Variants in DOCK3 observed in about 807,000 individuals in gnomAD.
DOCK3 encodes dedicator of cytokinesis protein 3.
In DOCK3, 60 loss-of-function variants were observed where a neutral mutation model predicts 265.6. The ratio of observed to expected loss-of-function variants is 0.23; its 90% CI spans 0.18 to 0.28. The LOEUF is 0.28. DOCK3 is among the 10% of genes least tolerant of loss of function. DOCK3 has a pLI of 1.00. For missense variants in DOCK3, 1,981 were observed against 2,594.3 expected (o/e 0.76, Z 5.14); for synonymous variants, 881 against 938.0 (o/e 0.94, Z 1.11).
chr3:51,187,143 C>A (rs1235505570), intron 12 of DOCK3, among the ~76,000 whole-genome samples: 1 of 152,212 alleles, frequency 6.6e-6, no homozygotes, highest in Non-Finnish European at 1.5e-5. Context: ...AGGGGCTATA[C>A]CCTGCAAAGC....
In DOCK3 at chr3:51,214,193, A is replaced by G. The variant is rs767100006; in HGVS notation, c.1198A>G (p.Asn400Asp). 1.2e-6 allele frequency: 2 copies of G among 1,613,780 alleles called. No homozygotes were observed. Among genetic ancestry groups the G allele is most frequent in the Non-Finnish European group, 1.7e-6 (2 of 1,179,812 alleles). The change falls in exon 14 of 53, where the codon AAT (asparagine) becomes GAT (aspartate). Residue 400 changes from asparagine to aspartate, a missense_variant. Coordinates refer to ENST00000266037, the MANE Select transcript of DOCK3 (RefSeq NM_004947.5). ...QIRRENPMIF[N>D]RGLAITRKLG... ...TCGGAGAGAAAATCCCATGATATTT[A>G]ATAGGGGATTGGCAATTACAAGAAA... is the stretch of plus-strand genomic sequence containing the variant.
chr3:51,134,681 CACAG>C (rs1157489182), intron 9 of DOCK3, among the ~76,000 whole-genome samples: 1 of 152,158 alleles, frequency 6.6e-6, no homozygotes, highest in Non-Finnish European at 1.5e-5. Context: ...GCCTATGCCA[CACAG>C]ACACTCTTCA....
At chr3:51,167,315 TA>T (rs2086458377) in intron 12 of DOCK3, among the ~76,000 whole-genome samples, 1 of 152,236 alleles carries the variant, frequency 6.6e-6, no homozygotes. Flanking sequence ...TGTCTGTTTT[TA>T]TGGCATTACC....
intron 5 of DOCK3, among the ~76,000 whole-genome samples, chr3:50,997,889 C>G (rs2078338925): frequency 6.6e-6 from 1 of 152,090 alleles, no homozygotes; most frequent in Admixed American, 6.5e-5. Context: ...ATAAAGCAGA[C>G]TGGAAAGAGC....
chr3:51,310,174 A>G (rs1364086419), intron 27 of DOCK3, 58 bp from the exon 28 acceptor site: 6 of 1,390,690 alleles, frequency 4.3e-6, no homozygotes, highest in South Asian at 1.2e-5. Context: ...GGAGTGGCCT[A>G]TTGAGGAGAT....
chr3:51,233,362 T>TATCTATCTATC (rs1560254651), intron 19 of DOCK3, among the ~76,000 whole-genome samples: 2 of 7,830 alleles, frequency 2.6e-4, no homozygotes, highest in Admixed American at 9.7e-4. Flanking sequence ...ATCTATCTAT[T>TATCTATCTATC]TATTTATTTA....
At position 50,988,487 on chromosome 3, in the gene DOCK3, G is replaced by A. The variant is rs190502215; in HGVS notation, c.315+54410G>A. ...CTTTGGGCTTCAGAGTGTCCGAAGC[G>A]ACGGGGCCAAAGTGGATGCCCAGCA... On this transcript the variant is annotated intron_variant, in intron 5 of 52. Coordinates refer to ENST00000266037, the MANE Select transcript of DOCK3 (RefSeq NM_004947.5). 9.9e-5 allele frequency among the ~76,000 whole-genome samples: 15 copies of A among 152,190 alleles called. No individual in the cohort carries two copies. The East Asian group carries it at 1.5e-3, about 16-fold the overall frequency.
chr3:51,032,018 T>C (rs111707697), intron 5 of DOCK3, among the ~76,000 whole-genome samples: 29 of 152,236 alleles, frequency 1.9e-4, no homozygotes, highest in African/African-American at 7.0e-4. Flanking sequence ...CAAGTATAAG[T>C]ATTTTGTTAC....
At chr3:50,777,996 A>G (rs2041702475) in intron 1 of DOCK3, among the ~76,000 whole-genome samples, 1 of 152,234 alleles carries the variant, frequency 6.6e-6, no homozygotes, top group South Asian at 2.1e-4. Flanking sequence ...TCCAGTTCTC[A>G]GGGGGAATGC....
rs528029542 is a variant in DOCK3, at chr3:50,689,852, A to G, written c.37+14552A>G. Reference sequence around the variant, plus strand: ...GTGTGGCCTGGTTCCTAACGGGGATAAAGCAGGGTTGGGGAGCCCTGCTTT... The same window carrying G: ...GTGTGGCCTGGTTCCTAACGGGGATGAAGCAGGGTTGGGGAGCCCTGCTTT... On this transcript the variant is annotated intron_variant, in intron 1 of 52. Coordinates refer to ENST00000266037, the MANE Select transcript of DOCK3 (RefSeq NM_004947.5). Among the ~76,000 whole-genome samples, 16 of 152,268 alleles carry G rather than the reference A, an allele frequency of 1.1e-4. 1 individual carries two copies. The South Asian group carries it at 3.3e-3, about 32-fold the overall frequency.
intron 14 of DOCK3, among the ~76,000 whole-genome samples, chr3:51,217,362 A>G (rs1034837022): frequency 6.6e-6 from 1 of 152,218 alleles, no homozygotes; most frequent in African/African-American, 2.4e-5. Context: ...CTGCTCTGCC[A>G]TAACTGAGGC....
intron 9 of DOCK3, among the ~76,000 whole-genome samples, chr3:51,129,337 C>G (rs2084406422): frequency 6.6e-6 from 1 of 152,158 alleles, no homozygotes; most frequent in Admixed American, 6.5e-5. Flanking sequence ...GTGAACCAGG[C>G]CCTAGTTTTC....
intron 23 of DOCK3, among the ~76,000 whole-genome samples, chr3:51,266,297 C>A (rs1056044113): frequency 8.5e-5 from 13 of 152,238 alleles, no homozygotes; most frequent in African/African-American, 3.1e-4. Context: ...CAAGCTACCA[C>A]TGACTTTCTT....
intron 35 of DOCK3, among the ~76,000 whole-genome samples, chr3:51,335,719 C>T (rs9856134): frequency 0.085 from 13,002 of 152,272 alleles, 1,215 homozygotes; most frequent in East Asian, 0.34. Context: ...TGGCCAGGCA[C>T]AGTGGCACAA....
At chr3:50,997,195 ATTTG>A (rs1251000246) in intron 5 of DOCK3, among the ~76,000 whole-genome samples, 1 of 152,228 alleles carries the variant, frequency 6.6e-6, no homozygotes, top group East Asian at 1.9e-4. Flanking sequence ...GTACAAATAC[ATTTG>A]TTTATTTACC....
At chr3:50,836,212 C>CG (rs1202160797) in intron 2 of DOCK3, among the ~76,000 whole-genome samples, 12 of 152,116 alleles carry the variant, frequency 7.9e-5, no homozygotes, top group South Asian at 4.1e-4. Flanking sequence ...AGCAGTGCCC[C>CG]GGGGGGGACT....
Position 51,185,399 on chromosome 3 carries a change from A to G in DOCK3, c.1038-23375A>G, listed in dbSNP as rs113540570. On this transcript the variant is annotated intron_variant, in intron 12 of 52. Transcript: ENST00000266037. ...GAATGTCCAACATTCTTTCTGTACT[A>G]AGGAGCAGAGGTCCCTTTCTTAAAT... Among the ~76,000 whole-genome samples, 7 of 152,306 alleles carry G rather than the reference A, an allele frequency of 4.6e-5. 2 individuals are homozygous for G. Among genetic ancestry groups the G allele is most frequent in the African/African-American group, 1.7e-4 (7 of 41,568 alleles).
intron 2 of DOCK3, among the ~76,000 whole-genome samples, chr3:50,817,016 A>C (rs1224178486): frequency 6.6e-6 from 1 of 152,246 alleles, no homozygotes; most frequent in African/African-American, 2.4e-5. Context: ...AAGGAATAAA[A>C]GAATGGCTAC....
chr3:50,725,261 A>G (rs2037743864), intron 1 of DOCK3, among the ~76,000 whole-genome samples: 1 of 152,218 alleles, frequency 6.6e-6, no homozygotes, highest in African/African-American at 2.4e-5. Flanking sequence ...GATACTAAAT[A>G]AGGTTCTCAT....
Sources: allele counts gnomAD v4.1 joint callset (sites outside exome capture counted in the v4.1 genomes callset), GRCh38; gene constraint gnomAD v4.1.1; transcripts MANE v1.5; gene names NCBI Gene and HGNC (gene_info 2026-07-23, HGNC 2026-07-21).